Variants in ADK observed in about 807,000 individuals in gnomAD.
ADK encodes the protein adenosine kinase, also known as N6,N6-dimethyladenosine kinase.
In ADK, 24 loss-of-function variants were observed where a neutral mutation model predicts 44.7. That is an observed-to-expected ratio of 0.54 (90% CI 0.39 to 0.76). The LOEUF (loss-of-function observed/expected upper bound fraction) is 0.76. Ranked by LOEUF, ADK falls within the 30% of genes least tolerant of loss-of-function variation. ADK has a pLI of 0.00. For synonymous variants in ADK, 128 were observed against 142.6 expected (o/e 0.90, Z 0.73); for missense variants, 321 against 425.1 (o/e 0.76, Z 2.15).
rs58785624 is a variant in ADK, at chr10:74,201,676, GTATCTATCTATCTATCTATCTATC to G, written c.140+870_140+893del. ...TGTATGTATGTATGTATGTATGTAT[GTATCTATCTATCTATCTATCTATC>G]TATCTATCTATCTATCTATCTATCT... On this transcript the variant is annotated intron_variant, in intron 2 of 10. Transcript: ENST00000539909. Among the ~76,000 whole-genome samples the G allele has an allele frequency of 8.3e-4, 97 of 117,538 alleles. 2 individuals carry two copies. Among genetic ancestry groups the G allele is most frequent in the East Asian group, 1.5e-3 (7 of 4,672 alleles). The allele number at this position is 117,538 out of a possible 152,430, so 77.1% of individuals were successfully genotyped here.
At chr10:74,565,385 A>T (rs1432239476) in intron 7 of ADK, among the ~76,000 whole-genome samples, 3 of 152,216 alleles carry the variant, frequency 2.0e-5, no homozygotes, top group Admixed American at 6.5e-5. Context: ...GCTGCCTATG[A>T]TACTTATGAT....
intron 4 of ADK, 105 bp downstream of exon 4, chr10:74,314,850 T>A: frequency 1.1e-6 from 1 of 879,428 alleles, no homozygotes; most frequent in Non-Finnish European, 1.8e-6. Context: ...AGAATAGTTT[T>A]GTTCATTTGA....
chr10:74,230,802 C>T (rs1844731907), intron 3 of ADK, among the ~76,000 whole-genome samples: 1 of 152,040 alleles, frequency 6.6e-6, no homozygotes, highest in Non-Finnish European at 1.5e-5. Flanking sequence ...CTGCCTCAGC[C>T]TCCTGAGTAG....
intron 6 of ADK, chr10:74,423,667 G>T (rs1454200866): frequency 4.7e-6 from 2 of 429,290 alleles, no homozygotes; most frequent in Admixed American, 2.6e-5. Flanking sequence ...GGCCAGGTCT[G>T]CCTTGTTACC....
intron 9 of ADK, among the ~76,000 whole-genome samples, chr10:74,629,739 G>A (rs1039265326): frequency 2.0e-4 from 30 of 152,122 alleles, no homozygotes; most frequent in Non-Finnish European, 2.9e-5. Context: ...TCACACTGGT[G>A]ATCAGAGAAA....
At chr10:74,299,736 G>A (rs1839938003) in intron 3 of ADK, among the ~76,000 whole-genome samples, 1 of 151,722 alleles carries the variant, frequency 6.6e-6, no homozygotes, top group African/African-American at 2.4e-5. Flanking sequence ...CAGCTATTTT[G>A]TAGACAACAT....
chr10:74,416,641 A>G (rs1370107408), intron 6 of ADK, among the ~76,000 whole-genome samples: 1 of 151,260 alleles, frequency 6.6e-6, no homozygotes, highest in Admixed American at 6.6e-5. Flanking sequence ...CCCTTATCAC[A>G]CCGTCACTGC....
intron 2 of ADK, among the ~76,000 whole-genome samples, chr10:74,219,871 T>C (rs1033543763): frequency 6.7e-6 from 1 of 149,678 alleles, no homozygotes; most frequent in Non-Finnish European, 1.5e-5. Flanking sequence ...TTCAAAATAG[T>C]GTGTAGAGGG....
chr10:74,657,245 T>C (rs1271376870), intron 9 of ADK, among the ~76,000 whole-genome samples: 2 of 152,186 alleles, frequency 1.3e-5, no homozygotes, highest in African/African-American at 2.4e-5. Context: ...ATAAATATGT[T>C]CTCATTTTTA....
At chr10:74,271,386 T>C (rs1485541188) in intron 3 of ADK, among the ~76,000 whole-genome samples, 2 of 152,028 alleles carry the variant, frequency 1.3e-5, no homozygotes, top group Non-Finnish European at 2.9e-5. Context: ...TTCAGGTATA[T>C]ATATATTTTT....
At chr10:74,323,601 C>T (rs1436374331) in intron 4 of ADK, among the ~76,000 whole-genome samples, 14 of 149,740 alleles carry the variant, frequency 9.3e-5, no homozygotes, top group African/African-American at 3.0e-4. Context: ...GATGGAGTCT[C>T]GCACTGTCGT....
intron 6 of ADK, among the ~76,000 whole-genome samples, chr10:74,457,451 G>T (rs1845995750): frequency 6.6e-6 from 1 of 152,200 alleles, no homozygotes; most frequent in Admixed American, 6.5e-5. Context: ...CATTGTGGAA[G>T]ACAGTGTGGC....
At chr10:74,537,948 A>G (rs2133710373) in intron 7 of ADK, among the ~76,000 whole-genome samples, 1 of 152,242 alleles carries the variant, frequency 6.6e-6, no homozygotes, top group South Asian at 2.1e-4. Flanking sequence ...AATTTCACAA[A>G]TGACTTCAAT....
intron 3 of ADK, among the ~76,000 whole-genome samples, chr10:74,312,838 C>T (rs774476572): frequency 3.2e-5 from 4 of 125,894 alleles, no homozygotes; most frequent in Non-Finnish European, 4.7e-5. Flanking sequence ...CCCTTGAGCC[C>T]AGGAGGTGGA....
In ADK at chr10:74,247,044, A is replaced by G. The variant is rs768559092; in HGVS notation, c.194+22453A>G. On this transcript the variant is annotated intron_variant, in intron 3 of 10. Transcript: ENST00000539909. ...TACTCGATACTCTTTTTAAAGTGTA[A>G]AGTGGTCCTGAGATGAAAGTGTCTG... Among the ~76,000 whole-genome samples, 14 of 151,804 alleles carry G rather than the reference A, an allele frequency of 9.2e-5. 1 individual carries two copies. The highest frequency in any genetic ancestry group is 5.9e-4 in the Admixed American group (9 of 15,244).
At chr10:74,242,412 G>A (rs547159073) in intron 3 of ADK, among the ~76,000 whole-genome samples, 2 of 152,294 alleles carry the variant, frequency 1.3e-5, no homozygotes, top group South Asian at 2.1e-4. Context: ...TGCCTAGCAC[G>A]GGGTAACACA....
intron 9 of ADK, among the ~76,000 whole-genome samples, chr10:74,607,332 T>G (rs1289174724): frequency 6.6e-6 from 1 of 152,244 alleles, no homozygotes; most frequent in African/African-American, 2.4e-5. Flanking sequence ...GTCTTGATGG[T>G]CTTTACAATT....
chr10:74,463,150 G>T (rs1216652842), intron 6 of ADK, among the ~76,000 whole-genome samples: 2 of 151,858 alleles, frequency 1.3e-5, no homozygotes, highest in South Asian at 4.2e-4. Flanking sequence ...TATACTGGGG[G>T]TCCCCAACCT....
At chr10:74,337,740 G>A (rs1433662837) in intron 4 of ADK, among the ~76,000 whole-genome samples, 3 of 148,514 alleles carry the variant, frequency 2.0e-5, no homozygotes, top group South Asian at 2.1e-4. Flanking sequence ...TGAAGATATT[G>A]TATATTCCCT....
Sources: gnomAD v4.1 joint callset for allele counts (sites outside exome capture counted in the v4.1 genomes callset) on GRCh38, gnomAD v4.1.1 for gene constraint, MANE v1.5 for transcripts, NCBI Gene and HGNC (gene_info 2026-07-23, HGNC 2026-07-21) for gene names.